Variants in LGR4 observed in about 807,000 individuals in gnomAD.
LGR4 encodes the protein leucine-rich repeat-containing G protein-coupled receptor 4.
A neutral mutation model predicts 84.8 loss-of-function variants in LGR4; 44 were observed. The observed-to-expected ratio is 0.52, with a 90% CI of 0.41 to 0.67. The LOEUF (loss-of-function observed/expected upper bound fraction) is 0.67, where lower values mean the gene tolerates loss of function less well. Among genes scored for constraint, LGR4 ranks in the 30% least tolerant of loss-of-function variants. The pLI, the probability that LGR4 is intolerant of heterozygous loss-of-function variation, is 0.00. For missense variants in LGR4, 1,032 were observed against 1,131.4 expected, an observed-to-expected ratio of 0.91 and a Z score of 1.26; for synonymous variants, 429 against 434.3, an observed-to-expected ratio of 0.99 and a Z score of 0.15.
chr11:27,410,427 T>C (rs1863687905), intron 2 of LGR4, among the ~76,000 whole-genome samples: 1 of 152,096 alleles, frequency 6.6e-6, no homozygotes, highest in Non-Finnish European at 1.5e-5. Flanking sequence ...CCTCATTAAC[T>C]AACATGGAAA....
intron 1 of LGR4, among the ~76,000 whole-genome samples, chr11:27,434,533 G>C (rs1280018676): frequency 6.6e-6 from 1 of 152,144 alleles, no homozygotes; most frequent in Admixed American, 6.6e-5. Flanking sequence ...GAAGCTAACT[G>C]TATCACAAAA....
At chr11:27,375,121 C>CAA (rs539252061) in intron 13 of LGR4, among the ~76,000 whole-genome samples, 7 of 123,842 alleles carry the variant, frequency 5.7e-5, no homozygotes, top group Non-Finnish European at 1.0e-4. Context: ...CCATCTCTAC[C>CAA]AAAAAAAAAA....
In LGR4 at chr11:27,368,351, G is replaced by T. The variant is rs199575399; in HGVS notation, c.2372C>A (p.Pro791Gln). Residue 791 changes from proline to glutamine, a missense_variant, in exon 18 of 18, where the codon CCA becomes CAA. Physicochemically the swap from Pro to Gln is moderately conservative, Grantham distance 76. Coordinates refer to ENST00000379214, the MANE Select transcript of LGR4 (RefSeq NM_018490.5). ...GACTGGATTCAGGCAAGCAGGCAAT[G>T]GAAAAAATATCAGAGTAACAGACTT... ...IMKSVTLIFFPLPACLNPVLY... is the reference protein window; with the variant it reads ...IMKSVTLIFFQLPACLNPVLY... 4.1e-4 allele frequency: 657 copies of T among 1,613,976 alleles called. No homozygotes were observed. Among genetic ancestry groups the T allele is most frequent in the Admixed American group, 9.3e-4 (56 of 59,998 alleles).
intron 1 of LGR4, among the ~76,000 whole-genome samples, chr11:27,454,968 A>G (rs1194693925): frequency 1.3e-5 from 2 of 152,204 alleles, no homozygotes; most frequent in Non-Finnish European, 2.9e-5. Context: ...ATTAAATTAA[A>G]TGTTAAAGAT....
chr11:27,433,540 ATTC>A lies in LGR4; in HGVS notation c.186-20683_186-20681del, dbSNP rs1418905993. 5.3e-5 allele frequency among the ~76,000 whole-genome samples: 8 copies of A among 151,930 alleles called. No homozygotes were observed. The East Asian group carries it at 1.6e-3, about 29-fold the overall frequency. On this transcript the variant is annotated intron_variant, in intron 1 of 17. Transcript: ENST00000379214. ...GCCACCATGCCCGGCCCACTCTTCT[ATTC>A]TTTTCTCCCACAACCTAATGTTCTT...
intron 17 of LGR4, 51 bp downstream of exon 17, chr11:27,371,564 G>A (rs767005392): frequency 8.2e-7 from 1 of 1,219,402 alleles, no homozygotes. Flanking sequence ...AGATATATTT[G>A]CCTAATGTTT....
intron 1 of LGR4, among the ~76,000 whole-genome samples, chr11:27,435,964 G>A (rs1864200208): frequency 6.6e-6 from 1 of 151,096 alleles, no homozygotes; most frequent in Non-Finnish European, 1.5e-5. Context: ...AGGCTGGAGT[G>A]CAGTGGCGCG....
intron 1 of LGR4, among the ~76,000 whole-genome samples, chr11:27,450,320 G>A (rs961525360): frequency 6.6e-6 from 1 of 152,130 alleles, no homozygotes; most frequent in Non-Finnish European, 1.5e-5. Flanking sequence ...CTTGAAACAT[G>A]GTACAATTAA....
At chr11:27,415,455 C>A (rs1863797771) in intron 1 of LGR4, among the ~76,000 whole-genome samples, 1 of 152,092 alleles carries the variant, frequency 6.6e-6, no homozygotes, top group African/African-American at 2.4e-5. Context: ...AAAACATGCA[C>A]ACACACACGC....
At chr11:27,397,878 C>T (rs1363270141) in intron 2 of LGR4, among the ~76,000 whole-genome samples, 3 of 152,102 alleles carry the variant, frequency 2.0e-5, no homozygotes, top group Non-Finnish European at 4.4e-5. Context: ...GCTACAACAG[C>T]CCCAGAAGCA....
intron 3 of LGR4, among the ~76,000 whole-genome samples, chr11:27,392,124 G>C (rs1468714368): frequency 6.6e-6 from 1 of 152,096 alleles, no homozygotes; most frequent in Non-Finnish European, 1.5e-5. Flanking sequence ...AGTTCTTATA[G>C]CTATAAAATA....
chr11:27,374,962 T>C (rs1377760364), intron 13 of LGR4, among the ~76,000 whole-genome samples: 2 of 152,012 alleles, frequency 1.3e-5, no homozygotes, highest in Non-Finnish European at 1.5e-5. Flanking sequence ...TTTCATTCAC[T>C]ATCAATTTTT....
chr11:27,384,216 T>G, intron 6 of LGR4, 120 bp downstream of exon 6: 1 of 665,198 alleles, frequency 1.5e-6, no homozygotes, highest in Non-Finnish European at 2.6e-6. Flanking sequence ...TAATCCAGTA[T>G]CAAAGTGAAT....
intron 1 of LGR4, among the ~76,000 whole-genome samples, chr11:27,425,715 T>C (rs1346597087): frequency 6.6e-6 from 1 of 152,186 alleles, no homozygotes; most frequent in East Asian, 1.9e-4. Flanking sequence ...TAGCAGTAGA[T>C]ATGGCTGAAT....
intron 1 of LGR4, among the ~76,000 whole-genome samples, chr11:27,461,858 T>TTA (rs1864688883): frequency 6.8e-6 from 1 of 147,300 alleles, no homozygotes; most frequent in Non-Finnish European, 1.5e-5. Context: ...TTTTTTTTTT[T>TTA]TTTGAGGTGG....
At chr11:27,452,709 C>T (rs187547229) in intron 1 of LGR4, among the ~76,000 whole-genome samples, 19 of 149,800 alleles carry the variant, frequency 1.3e-4, no homozygotes, top group African/African-American at 3.7e-4. Flanking sequence ...CTGCAAGCTC[C>T]GCCTCCCGGG....
intron 7 of LGR4, 90 bp downstream of exon 7, chr11:27,382,098 G>T: frequency 2.4e-6 from 2 of 848,430 alleles, no homozygotes; most frequent in Non-Finnish European, 2.0e-6. Flanking sequence ...TATACGTAAT[G>T]GAACAAGATG....
intron 6 of LGR4, 43 bp from the exon 7 acceptor site, chr11:27,382,299 G>T: frequency 7.9e-7 from 1 of 1,270,700 alleles, no homozygotes; most frequent in Non-Finnish European, 1.1e-6. Flanking sequence ...ATTAAATAGT[G>T]GTCATAATTC....
At chr11:27,375,625 T>C (rs1359810374) in intron 13 of LGR4, among the ~76,000 whole-genome samples, 2 of 152,204 alleles carry the variant, frequency 1.3e-5, no homozygotes, top group Non-Finnish European at 2.9e-5. Context: ...TCAATTCTGC[T>C]ATAGTGGGGT....
Sources: allele counts gnomAD v4.1 joint callset (sites outside exome capture counted in the v4.1 genomes callset), GRCh38; gene constraint gnomAD v4.1.1; transcripts MANE v1.5; gene names NCBI Gene and HGNC (gene_info 2026-07-23, HGNC 2026-07-21).